The following GLDC variants were observed in gnomAD, a reference collection of about 807,000 sequenced individuals.
GLDC encodes the protein glycine decarboxylase, also known as glycine dehydrogenase (decarboxylating), mitochondrial.
In GLDC, 104 loss-of-function variants were observed where a neutral mutation model predicts 121.3. The observed-to-expected ratio is 0.86, with a 90% CI of 0.73 to 1.01. The LOEUF is 1.01. GLDC is among the 50% of genes least tolerant of loss of function. GLDC has a pLI of 0.00. For missense variants in GLDC, 1,429 were observed against 1,306.6 expected, an observed-to-expected ratio of 1.09 and a Z score of -1.44; for synonymous variants, 546 against 480.6, an observed-to-expected ratio of 1.14 and a Z score of -1.78.
chr9:6,561,474 C>G (rs1003367270), intron 16 of GLDC, among the ~76,000 whole-genome samples: 1 of 152,032 alleles, frequency 6.6e-6, no homozygotes, highest in African/African-American at 2.4e-5. Flanking sequence ...CATGGTGAAA[C>G]CCTGTCTCTA....
At chr9:6,558,004 A>C in intron 17 of GLDC, 1 of 205,010 alleles carries the variant, frequency 4.9e-6, no homozygotes, top group Admixed American at 5.3e-5. Flanking sequence ...CATCAAAATC[A>C]CATTGCTATT....
chr9:6,643,188 G>A (rs1380344567), intron 2 of GLDC, among the ~76,000 whole-genome samples: 2 of 151,828 alleles, frequency 1.3e-5, no homozygotes, highest in Admixed American at 1.3e-4. Flanking sequence ...ATTTGCCACC[G>A]TGCCCAGCCA....
chr9:6,587,089 T>C (rs1036023765), intron 15 of GLDC, 52 bp downstream of exon 15: 6 of 1,464,720 alleles, frequency 4.1e-6, no homozygotes, highest in Non-Finnish European at 3.8e-6. Flanking sequence ...TTTTGTGGTG[T>C]ATGCTATACA....
Position 6,645,365 on chromosome 9 carries a change from G to A in GLDC, c.135C>T (p.Ala45=), listed in dbSNP as rs747904179. 1.5e-5 allele frequency: 23 copies of A among 1,538,368 alleles called. No individual in the cohort carries two copies. In the Admixed American group the frequency reaches 1.8e-4, roughly 12 times the overall value. Residue 45 remains alanine (A), a synonymous_variant, in exon 1 of 25, where the codon GCC becomes GCT. Coordinates refer to ENST00000321612, the MANE Select transcript of GLDC (RefSeq NM_000170.3). ...RDSSSGGGDS[A]AAGASRLLER... ...CCAGGAGGCGCGAGGCCCCAGCCGC[G>A]GCGCTGTCCCCGCCGCCACTGCTGC... is the stretch of plus-strand genomic sequence containing the variant.
chr9:6,584,448 G>A (rs1488820792), intron 15 of GLDC, among the ~76,000 whole-genome samples: 2 of 152,158 alleles, frequency 1.3e-5, no homozygotes, highest in African/African-American at 2.4e-5. Context: ...CAATATGTAA[G>A]CCCTGTTGTA....
In GLDC at chr9:6,587,240, G is replaced by A. The variant is rs779138019; in HGVS notation, c.1751C>T (p.Pro584Leu). Residue 584 changes from proline to leucine, a missense_variant, in exon 15 of 25, where the codon CCT (proline) becomes CTT (leucine). By Grantham distance (98) the Pro-to-Leu change is moderately conservative. Transcript: ENST00000321612. ...KEFANIHPFV[P>L]LDQAQGYQQL... ...CTGATATCCTTGAGCTTGATCCAGAGGCACAAAGGGGTGGATGTTTGCAAA... is the reference window on the plus strand; with the variant it reads ...CTGATATCCTTGAGCTTGATCCAGAAGCACAAAGGGGTGGATGTTTGCAAA... 148 of 1,613,808 alleles carry A rather than the reference G, an allele frequency of 9.2e-5. No homozygotes were observed. Among genetic ancestry groups the A allele is most frequent in the Non-Finnish European group, 1.2e-4 (141 of 1,179,852 alleles).
intron 21 of GLDC, among the ~76,000 whole-genome samples, chr9:6,546,678 G>A (rs1444737519): frequency 2.0e-5 from 3 of 151,760 alleles, no homozygotes; most frequent in Non-Finnish European, 4.4e-5. Flanking sequence ...AATAATGATG[G>A]GGGCCAGACG....
At chr9:6,595,646 T>G (rs1818477407) in intron 8 of GLDC, among the ~76,000 whole-genome samples, 1 of 152,186 alleles carries the variant, frequency 6.6e-6, no homozygotes. Flanking sequence ...ATGGAGAATC[T>G]GTGGCAAAGG....
chr9:6,543,895 G>C (rs369365992), intron 21 of GLDC, among the ~76,000 whole-genome samples: 26 of 151,894 alleles, frequency 1.7e-4, no homozygotes, highest in South Asian at 4.2e-4. Flanking sequence ...GGACAGGAGG[G>C]GGGGGGATGA....
intron 2 of GLDC, among the ~76,000 whole-genome samples, chr9:6,637,061 G>A (rs1235900114): frequency 6.6e-6 from 1 of 151,920 alleles, no homozygotes; most frequent in African/African-American, 2.4e-5. Context: ...TCCAGCCTGG[G>A]TGACAGAGCA....
At chr9:6,644,040 A>AAAAAAAAAAAC (rs1819684538) in intron 2 of GLDC, among the ~76,000 whole-genome samples, 2 of 148,526 alleles carry the variant, frequency 1.3e-5, no homozygotes, top group African/African-American at 5.0e-5. Context: ...AAAAAAAAAA[A>AAAAAAAAAAAC]AAAAAAAAAA....
chr9:6,594,024 G>A (rs904101253), intron 9 of GLDC, among the ~76,000 whole-genome samples: 11 of 151,442 alleles, frequency 7.3e-5, no homozygotes, highest in African/African-American at 2.2e-4. Flanking sequence ...ATGTGGTCTC[G>A]CTCTTGCCCA....
chr9:6,562,553 C>T (rs1459393081), intron 16 of GLDC, among the ~76,000 whole-genome samples: 1 of 152,124 alleles, frequency 6.6e-6, no homozygotes, highest in Non-Finnish European at 1.5e-5. Flanking sequence ...AGAAAGTTGG[C>T]TTTAATTAAA....
At position 6,540,471 on chromosome 9, in the gene GLDC, C is replaced by A. The variant is rs1402427873; in HGVS notation, c.2570-325G>T. The A allele has an allele frequency of 3.7e-5, 13 of 355,542 alleles. No individual in the cohort carries two copies. The East Asian group carries it at 8.0e-4, about 22-fold the overall frequency. The allele number at this position is 355,542 out of a possible 1,614,324, so 22.0% of individuals were successfully genotyped here. ...GTCTGGGGATGAGATTATTTCTATT[C>A]TGCGGACATAAAATCTACTTGCAAC... On this transcript the variant is annotated intron_variant, in intron 21 of 24. Transcript: ENST00000321612.
intron 14 of GLDC, among the ~76,000 whole-genome samples, chr9:6,587,645 A>C (rs954423717): frequency 1.8e-4 from 27 of 152,208 alleles, no homozygotes; most frequent in Non-Finnish European, 3.5e-4. Flanking sequence ...TTTCTTCACT[A>C]AGTGGAACAA....
intron 21 of GLDC, among the ~76,000 whole-genome samples, chr9:6,550,121 G>A (rs930538992): frequency 1.1e-4 from 16 of 152,206 alleles, no homozygotes; most frequent in African/African-American, 3.9e-4. Flanking sequence ...AATGGCTCCA[G>A]CAAGAAGGCG....
At chr9:6,616,730 C>T (rs955073314) in intron 3 of GLDC, among the ~76,000 whole-genome samples, 6 of 152,184 alleles carry the variant, frequency 3.9e-5, no homozygotes, top group African/African-American at 1.4e-4. Flanking sequence ...GGTATCTGCA[C>T]ATCCAAGAAG....
At chr9:6,625,933 T>C (rs949524214) in intron 2 of GLDC, among the ~76,000 whole-genome samples, 1 of 151,786 alleles carries the variant, frequency 6.6e-6, no homozygotes, top group Admixed American at 6.6e-5. Context: ...GTCATGGAGG[T>C]GATAGAAGCC....
chr9:6,607,050 G>A (rs953220770), intron 4 of GLDC, among the ~76,000 whole-genome samples: 41 of 151,654 alleles, frequency 2.7e-4, no homozygotes, highest in Admixed American at 1.6e-3. Context: ...TGCGTAAGAC[G>A]AGCAAAACTC....
Sources: allele counts gnomAD v4.1 joint callset (sites outside exome capture counted in the v4.1 genomes callset), GRCh38; gene constraint gnomAD v4.1.1; transcripts MANE v1.5; gene names NCBI Gene and HGNC (gene_info 2026-07-23, HGNC 2026-07-21).